The following CTTNBP2 variants were observed in gnomAD, a reference collection of about 807,000 sequenced individuals.
CTTNBP2 encodes cortactin binding protein 2, also known as cortactin-binding protein 2.
CTTNBP2 carries 108 observed loss-of-function variants against 156.9 expected under a neutral mutation model. That is an observed-to-expected ratio of 0.69 (90% CI 0.59 to 0.81). CTTNBP2 has a LOEUF of 0.81. Among genes scored for constraint, CTTNBP2 ranks in the 30% least tolerant of loss-of-function variants. The probability of loss-of-function intolerance (pLI) is 0.00; values close to 1 mark genes in which losing one functional copy is unlikely to be tolerated. For missense variants in CTTNBP2, 1,924 were observed against 2,035.4 expected (o/e 0.95, Z 1.05); for synonymous variants, 767 against 751.8 (o/e 1.02, Z -0.33).
intron 10 of CTTNBP2, 97 bp downstream of exon 10, chr7:117,760,338 T>C: frequency 8.2e-7 from 1 of 1,215,300 alleles, no homozygotes; most frequent in Non-Finnish European, 1.2e-6. Context: ...AAGCTTTGAA[T>C]GTGCTTAATC....
At chr7:117,726,825 A>G (rs1795120219) in intron 17 of CTTNBP2, among the ~76,000 whole-genome samples, 1 of 152,182 alleles carries the variant, frequency 6.6e-6, no homozygotes, top group African/African-American at 2.4e-5. Context: ...GAATCTATGT[A>G]AAAGTGAAGC....
intron 4 of CTTNBP2, among the ~76,000 whole-genome samples, chr7:117,789,449 C>A (rs1798874937): frequency 6.6e-6 from 1 of 152,142 alleles, no homozygotes. Flanking sequence ...TTTGTGACTG[C>A]CCAAAGATCT....
chr7:117,750,921 A>G (rs181280050), intron 12 of CTTNBP2, among the ~76,000 whole-genome samples: 2 of 152,304 alleles, frequency 1.3e-5, no homozygotes, highest in Admixed American at 6.5e-5. Flanking sequence ...TTACAGTCTT[A>G]ATTGTAGTTA....
At chr7:117,781,108 G>A (rs556466435) in intron 6 of CTTNBP2, among the ~76,000 whole-genome samples, 1 of 152,362 alleles carries the variant, frequency 6.6e-6, no homozygotes, top group East Asian at 1.9e-4. Context: ...AAAGACAGCA[G>A]AGGTTGTCCT....
At chr7:117,756,000 GGA>G (rs1385792496) in intron 12 of CTTNBP2, among the ~76,000 whole-genome samples, 2 of 152,202 alleles carry the variant, frequency 1.3e-5, no homozygotes, top group Non-Finnish European at 2.9e-5. Context: ...AGGGAAGAGT[GGA>G]GCAGGGAGAA....
chr7:117,825,578 G>T (rs1801229794), intron 2 of CTTNBP2, among the ~76,000 whole-genome samples: 1 of 152,132 alleles, frequency 6.6e-6, no homozygotes, highest in South Asian at 2.1e-4. Flanking sequence ...TATTTTTCAG[G>T]ATACAGCTAG....
At chr7:117,833,640 C>A (rs1801755502) in intron 2 of CTTNBP2, among the ~76,000 whole-genome samples, 2 of 152,188 alleles carry the variant, frequency 1.3e-5, no homozygotes. Flanking sequence ...TACGTAGATC[C>A]TCACTGAATT....
At chr7:117,777,872 T>C (rs1662605569) in intron 7 of CTTNBP2, 107 bp from the exon 8 acceptor site, 1 of 1,121,470 alleles carries the variant, frequency 8.9e-7, no homozygotes, top group Admixed American at 2.2e-5. Flanking sequence ...ACCACTGAGC[T>C]GGGAAAAGCA....
intron 4 of CTTNBP2, among the ~76,000 whole-genome samples, chr7:117,785,776 T>A (rs1798674526): frequency 6.6e-6 from 1 of 152,238 alleles, no homozygotes; most frequent in African/African-American, 2.4e-5. Context: ...TATTGAACCT[T>A]CTGCTCATAA....
intron 1 of CTTNBP2, among the ~76,000 whole-genome samples, chr7:117,866,086 G>C (rs1008589899): frequency 7.2e-5 from 11 of 151,764 alleles, no homozygotes; most frequent in African/African-American, 2.7e-4. Context: ...AGCGTGGGGA[G>C]GGCATTCTTC....
rs573579739 is a variant in CTTNBP2, at chr7:117,864,099, C to A, written c.82-2783G>T. On this transcript the variant is annotated intron_variant, in intron 1 of 22. Coordinates refer to ENST00000160373, the MANE Select transcript of CTTNBP2 (RefSeq NM_033427.3). ...CCAAGATCCTGATTCATATTAGAGT[C>A]AGGAGAGCCTGCCCTGCTTCCATCA... Among the ~76,000 whole-genome samples the A allele has an allele frequency of 4.6e-5, 7 of 152,274 alleles. No individual in the cohort carries two copies. In the South Asian group the frequency reaches 1.5e-3, roughly 32 times the overall value.
In CTTNBP2 at chr7:117,792,518, C is replaced by G; in HGVS notation, c.678G>C (p.Gln226His). Residue 226 changes from glutamine (Q) to histidine (H), a missense_variant, in exon 4 of 23, where the codon CAG becomes CAC. Transcript: ENST00000160373. This position sits in a 1 kb window ranked among gnomAD's most constrained non-coding sequence, Gnocchi z 4.2. ...CAAACTCAGAGAGTTGTTTTTCCAT[C>G]TGAGCTTCCATTTCTGTGCTTCTTC... Reference protein sequence around the residue: ...EKRRSTEMEAQMEKQLSEFDT... With the variant: ...EKRRSTEMEAHMEKQLSEFDT... The G allele has an allele frequency of 6.2e-7, 1 of 1,614,166 alleles. No homozygotes were observed. The highest frequency in any genetic ancestry group is 8.5e-7 in the Non-Finnish European group (1 of 1,180,026).
rs551060129 is a variant in CTTNBP2, at chr7:117,847,866, C to T, written c.189+13343G>A. ...TTTTTTTTTTGAGACAGAGTCTTGC[C>T]GGAGGGCAGTGGTGTAATCTTGGCT... On this transcript the variant is annotated intron_variant, in intron 2 of 22. Coordinates refer to ENST00000160373, the MANE Select transcript of CTTNBP2 (RefSeq NM_033427.3). Among the ~76,000 whole-genome samples, 6 of 124,784 alleles carry T rather than the reference C, an allele frequency of 4.8e-5. 1 individual carries two copies. The South Asian group carries it at 1.2e-3, about 25-fold the overall frequency. The allele number at this position is 124,784 out of a possible 152,430, so 81.9% of individuals were successfully genotyped here.
rs1391188719 is a variant in CTTNBP2, at chr7:117,724,682, T to C, written c.4312A>G (p.Ile1438Val). ...DFKGGSFPLS[I>V]VSSYNTCNKK... ...TTACAAGTGTTATAACTGGAAACTATGGATAAAGGGAAACTTCCTCCTTTG... is the reference window on the plus strand; with the variant it reads ...TTACAAGTGTTATAACTGGAAACTACGGATAAAGGGAAACTTCCTCCTTTG... Residue 1438 changes from isoleucine to valine, a missense_variant, in exon 19 of 23, where the codon ATA (isoleucine) becomes GTA (valine). By Grantham distance (29) the Ile-to-Val change is conservative. Coordinates refer to ENST00000160373, the MANE Select transcript of CTTNBP2 (RefSeq NM_033427.3). 6.2e-7 allele frequency: 1 copy of C among 1,614,096 alleles called. No individual in the cohort carries two copies. The highest frequency in any genetic ancestry group is 1.7e-5 in the Admixed American group (1 of 60,006).
intron 1 of CTTNBP2, among the ~76,000 whole-genome samples, chr7:117,870,993 A>G (rs778968620): frequency 1.3e-5 from 2 of 152,268 alleles, no homozygotes; most frequent in Non-Finnish European, 2.9e-5. Context: ...GTCAAAGCTT[A>G]GTGAAAACAC....
intron 8 of CTTNBP2, among the ~76,000 whole-genome samples, chr7:117,771,237 C>G (rs1458894355): frequency 6.6e-6 from 1 of 152,096 alleles, no homozygotes; most frequent in African/African-American, 2.4e-5. Context: ...GTAGAAACCC[C>G]AAGTCCAGAG....
chr7:117,836,422 G>T (rs1801940415), intron 2 of CTTNBP2, among the ~76,000 whole-genome samples: 1 of 152,194 alleles, frequency 6.6e-6, no homozygotes, highest in South Asian at 2.1e-4. Flanking sequence ...AAATTAGCCA[G>T]GCGTGGTGGT....
intron 3 of CTTNBP2, among the ~76,000 whole-genome samples, chr7:117,800,698 A>G (rs927433402): frequency 2.0e-5 from 3 of 152,138 alleles, no homozygotes; most frequent in Non-Finnish European, 4.4e-5. Flanking sequence ...TAGAAAAAGG[A>G]CTGGCATATA....
At chr7:117,793,514 T>G (rs1799152291) in intron 3 of CTTNBP2, 1 of 152,556 alleles carries the variant, frequency 6.6e-6, no homozygotes, top group African/African-American at 2.4e-5. Flanking sequence ...TGCTGTTCTC[T>G]CTGCATGGGA....
Sources: allele counts gnomAD v4.1 joint callset (sites outside exome capture counted in the v4.1 genomes callset), GRCh38; gene constraint gnomAD v4.1.1; non-coding constraint Gnocchi (gnomAD v3.1); transcripts MANE v1.5; gene names NCBI Gene and HGNC (gene_info 2026-07-23, HGNC 2026-07-21).